The following COCH variants were observed in gnomAD, a reference collection of about 807,000 sequenced individuals.
COCH encodes the protein cochlin.
In COCH, 40 loss-of-function variants were observed where a neutral mutation model predicts 54.8. The observed-to-expected ratio is 0.73, with a 90% CI of 0.57 to 0.95. COCH has a LOEUF of 0.95. Among genes scored for constraint, COCH ranks in the 40% least tolerant of loss-of-function variants. The pLI is 0.00. For missense variants in COCH, 605 were observed against 675.0 expected, an observed-to-expected ratio of 0.90 and a Z score of 1.15; for synonymous variants, 256 against 237.9, an observed-to-expected ratio of 1.08 and a Z score of -0.70.
At chr14:30,878,431 C>A (rs1178046937) in intron 4 of COCH, among the ~76,000 whole-genome samples, 2 of 152,120 alleles carry the variant, frequency 1.3e-5, no homozygotes, top group South Asian at 4.1e-4. Context: ...GAGGCTGAGG[C>A]GGATGGACCA....
chr14:30,892,755 C>T (rs969978105), downstream of COCH, among the ~76,000 whole-genome samples: 1 of 151,448 alleles, frequency 6.6e-6, no homozygotes, highest in African/African-American at 2.4e-5. Flanking sequence ...TGCAGCGTGC[C>T]GAGATCGCAC....
intron 1 of COCH, 88 bp downstream of exon 1, chr14:30,874,679 T>C: frequency 1.7e-6 from 1 of 589,276 alleles, no homozygotes; most frequent in South Asian, 2.0e-5. Context: ...CTGTCTGTCG[T>C]CGTTTTGGCG....
Position 30,880,440 on chromosome 14 carries a change from CT to C in COCH, c.437-8del. 2 of 1,613,690 alleles carry C rather than the reference CT, an allele frequency of 1.2e-6. No individual in the cohort carries two copies. The highest frequency in any genetic ancestry group is 2.2e-5 in the South Asian group (2 of 91,012). ...TTCCTTTTGTTAATGCCAAGTGCAT[CT>C]TTTATTTCAGGTAAACGACTAAAGA... On this transcript the variant is annotated splice_polypyrimidine_tract_variant and intron_variant, in intron 6 of 11. Coordinates refer to ENST00000396618, the MANE Select transcript of COCH (RefSeq NM_004086.3).
downstream of COCH, chr14:30,894,843 A>C (rs1444798219): frequency 7.5e-6 from 4 of 535,932 alleles, no homozygotes; most frequent in African/African-American, 8.4e-5. Flanking sequence ...ATTTTATCCA[A>C]ACATTTTGTG....
At chr14:30,879,973 C>T (rs1895514281) in intron 6 of COCH, among the ~76,000 whole-genome samples, 1 of 152,088 alleles carries the variant, frequency 6.6e-6, no homozygotes, top group African/African-American at 2.4e-5. Context: ...TAATAATTCT[C>T]TAAAAGTCCT....
Position 30,877,474 on chromosome 14 carries a change from T to A in COCH, c.83-98T>A. The A allele has an allele frequency of 2.1e-6, 3 of 1,436,862 alleles. No individual in the cohort carries two copies. The highest frequency in any genetic ancestry group is 2.9e-6 in the Non-Finnish European group (3 of 1,041,280). The allele number at this position is 1,436,862 out of a possible 1,614,324, so 89.0% of individuals were successfully genotyped here. A position where few individuals can be genotyped will look rare whatever the true frequency, so the allele number is the denominator to read the frequency against. On this transcript the variant is annotated intron_variant, in intron 3 of 11. Coordinates refer to ENST00000396618, the MANE Select transcript of COCH (RefSeq NM_004086.3). This position sits in a 1 kb window ranked among gnomAD's most constrained non-coding sequence, Gnocchi z 8.6. ...ATAGTCATAACTAGAAGTGTAGAAA[T>A]TAGGGAAGTAAAACTTAAATCTCAC... is the stretch of plus-strand genomic sequence containing the variant.
At chr14:30,893,304 G>T (rs12897108), downstream of COCH, among the ~76,000 whole-genome samples, 29,861 of 151,664 alleles carry the variant, frequency 0.2, 3,552 homozygotes, top group Middle Eastern at 0.3. Context: ...CCGCCACCAC[G>T]CCCGGCTAAT....
Position 30,886,019 on chromosome 14 carries a change from A to G in COCH, c.1184A>G (p.Lys395Arg), listed in dbSNP as rs200904881. The G allele has an allele frequency of 6.2e-7, 1 of 1,614,240 alleles. No homozygotes were observed. The highest frequency in any genetic ancestry group is 2.2e-5 in the East Asian group (1 of 44,884). ...LMLEFVSNIA[K>R]TFEISDIGAK... is the part of the protein sequence containing the mutation. Reference sequence around the variant, plus strand: ...CTTGAATTTGTTTCCAACATAGCCAAGACTTTTGAAATCTCGGACATTGGT... The same window carrying G: ...CTTGAATTTGTTTCCAACATAGCCAGGACTTTTGAAATCTCGGACATTGGT... Residue 395 changes from lysine to arginine, a missense_variant, in exon 11 of 12, where the codon AAG (lysine) becomes AGG (arginine). Physicochemically the swap from Lys to Arg is conservative, Grantham distance 26 (BLOSUM62 2). Transcript: ENST00000396618.
At chr14:30,887,442 T>A (rs1895829609) in intron 11 of COCH, among the ~76,000 whole-genome samples, 1 of 150,368 alleles carries the variant, frequency 6.7e-6, no homozygotes, top group Admixed American at 6.6e-5. Flanking sequence ...CCGCTTAAGA[T>A]AATAAAAACA....
In COCH at chr14:30,880,549, G is replaced by C. The variant is rs1294565106; in HGVS notation, c.482-38G>C. 2.5e-6 allele frequency: 4 copies of C among 1,614,104 alleles called. No individual in the cohort carries two copies. In the South Asian group the frequency reaches 4.4e-5, roughly 18 times the overall value. Reference sequence around the variant, plus strand: ...GGTAGCATTTTCCCTCCCTCCTCTTGAGACTGCTAATGAGGGGACTGGTTT... The same window carrying C: ...GGTAGCATTTTCCCTCCCTCCTCTTCAGACTGCTAATGAGGGGACTGGTTT... On this transcript the variant is annotated intron_variant, in intron 7 of 11. Coordinates refer to ENST00000396618, the MANE Select transcript of COCH (RefSeq NM_004086.3).
chr14:30,884,917 A>T (rs773672011), intron 9 of COCH: 1 of 1,596,756 alleles, frequency 6.3e-7, no homozygotes, highest in African/African-American at 1.3e-5. Flanking sequence ...TAGATATAAC[A>T]TTGGAGAAGT....
intron 8 of COCH, among the ~76,000 whole-genome samples, chr14:30,882,350 G>A (rs967341852): frequency 3.3e-5 from 5 of 151,432 alleles, no homozygotes; most frequent in African/African-American, 4.9e-5. Flanking sequence ...GCCTGGTCTC[G>A]AGCTCCTGAC....
At chr14:30,885,076 C>A in intron 9 of COCH, 2 of 1,577,588 alleles carry the variant, frequency 1.3e-6, no homozygotes, top group Non-Finnish European at 8.5e-7. Context: ...ACATAGAGAG[C>A]ACATGCATGG....
At chr14:30,893,231 A>G (rs1307143147), downstream of COCH, among the ~76,000 whole-genome samples, 3 of 146,410 alleles carry the variant, frequency 2.0e-5, no homozygotes, top group Admixed American at 1.4e-4. Flanking sequence ...AGCTCACTGC[A>G]AGCTCCGCCT....
In COCH at chr14:30,875,048, CT is replaced by C. The variant is rs1221738310; in HGVS notation, c.35-6del. On this transcript the variant is annotated splice_region_variant and splice_polypyrimidine_tract_variant and intron_variant, in intron 2 of 11. Transcript: ENST00000396618. ...CTGGAGCCAGCCCTCACGCTTCTCT[CT>C]TCGCAGGTGTGTGTCTGCTGCTGCT... is the stretch of plus-strand genomic sequence containing the variant. 6.2e-7 allele frequency: 1 copy of C among 1,611,466 alleles called. No homozygotes were observed. The highest frequency in any genetic ancestry group is 8.5e-7 in the Non-Finnish European group (1 of 1,179,372).
chr14:30,875,168 G>A, intron 3 of COCH, 65 bp downstream of exon 3: 1 of 1,538,384 alleles, frequency 6.5e-7, no homozygotes, highest in Non-Finnish European at 8.7e-7. Context: ...GGTACAAGCG[G>A]GACTCAGATC....
At position 30,885,628 on chromosome 14, in the gene COCH, G is replaced by A. The variant is rs766266455; in HGVS notation, c.960+8G>A. 2 of 1,559,144 alleles carry A rather than the reference G, an allele frequency of 1.3e-6. No homozygotes were observed. Among genetic ancestry groups the A allele is most frequent in the South Asian group, 2.2e-5 (2 of 89,914 alleles). The stretch of plus-strand genomic sequence containing the variant: ...GTCACATTTGTTGACAAGGTAAAGT[G>A]GTGAGGGTTATCTTCTGTTACAGTG... On this transcript the variant is annotated splice_region_variant and intron_variant, in intron 10 of 11. Coordinates refer to ENST00000396618, the MANE Select transcript of COCH (RefSeq NM_004086.3).
chr14:30,874,851 T>G, intron 1 of COCH, 65 bp from the exon 2 acceptor site: 1 of 1,466,974 alleles, frequency 6.8e-7, no homozygotes, highest in Non-Finnish European at 9.5e-7. Context: ...GGTGCGGGGC[T>G]CTGAGGAGGT....
chr14:30,880,252 C>A (rs537824312), intron 6 of COCH, among the ~76,000 whole-genome samples, 200 bp from the exon 7 acceptor site: 7 of 152,266 alleles, frequency 4.6e-5, no homozygotes, highest in African/African-American at 1.7e-4. Flanking sequence ...TAGGGCATAT[C>A]AAATATGTAG....
Sources: gnomAD v4.1 joint callset for allele counts (sites outside exome capture counted in the v4.1 genomes callset) on GRCh38, gnomAD v4.1.1 for gene constraint, Gnocchi (gnomAD v3.1) non-coding constraint, MANE v1.5 for transcripts, NCBI Gene and HGNC (gene_info 2026-07-23, HGNC 2026-07-21) for gene names.